The following RFESD variants were observed in gnomAD, a reference collection of about 807,000 sequenced individuals.
RFESD encodes the protein Rieske domain-containing protein.
Under a neutral mutation model 24.4 loss-of-function variants are expected in RFESD, and 16 were observed. The observed-to-expected ratio is 0.66, with a 90% CI of 0.44 to 1.00. RFESD has a LOEUF of 1.00. Ranked by LOEUF, RFESD falls within the 50% of genes least tolerant of loss-of-function variation. The pLI is 0.00. For synonymous variants in RFESD, 59 were observed against 81.8 expected (o/e 0.72, Z 1.50); for missense variants, 208 against 247.0 (o/e 0.84, Z 1.06).
intron 1 of RFESD, among the ~76,000 whole-genome samples, chr5:95,650,030 T>G (rs1035342369): frequency 1.3e-5 from 2 of 152,348 alleles, no homozygotes; most frequent in East Asian, 1.9e-4. Flanking sequence ...ATTTGTGTTC[T>G]TTGAGTACCT....
Position 95,656,429 on chromosome 5 carries a change from A to G in RFESD, c.*120A>G, listed in dbSNP as rs1750766838. 1 of 733,798 alleles carries G rather than the reference A, an allele frequency of 1.4e-6. No homozygotes were observed. The allele number at this position is 733,798 out of a possible 1,614,324, so 45.5% of individuals were successfully genotyped here. On this transcript the variant is annotated 3_prime_UTR_variant, in exon 6 of 6. Coordinates refer to ENST00000380005, the MANE Select transcript of RFESD (RefSeq NM_001131066.2). ...ATAGGCACAACTGTTTAAAATTCAC[A>G]TACATTTGAGAGGTTTAAGAGCACA...
At position 95,656,604 on chromosome 5, in the gene RFESD, TA is replaced by T. The variant is rs1367471718; in HGVS notation, c.*300del. ...AAATTTGGAGTAAACAAATAATAGG[TA>T]AAAATTAAGGATTAGTAAGAAAAAA... On this transcript the variant is annotated 3_prime_UTR_variant, in exon 6 of 6. Transcript: ENST00000380005. 4 of 194,800 alleles carry T rather than the reference TA, an allele frequency of 2.1e-5. No homozygotes were observed. Among genetic ancestry groups the T allele is most frequent in the Non-Finnish European group, 4.1e-5 (4 of 97,170 alleles). The allele number at this position is 194,800 out of a possible 1,614,324, so 12.1% of individuals were successfully genotyped here.
chr5:95,655,692 C>T (rs952699784), intron 5 of RFESD, among the ~76,000 whole-genome samples: 1 of 152,182 alleles, frequency 6.6e-6, no homozygotes, highest in Non-Finnish European at 1.5e-5. Flanking sequence ...CCTTACAGTT[C>T]TTCTAGAAGC....
intron 5 of RFESD, chr5:95,655,824 A>T: frequency 2.1e-6 from 1 of 482,918 alleles, no homozygotes; most frequent in South Asian, 3.7e-5. Context: ...TGAGCATGTC[A>T]GTCTTCTGAT....
chr5:95,654,141 A>G lies in RFESD; in HGVS notation c.239A>G (p.Lys80Arg). ...TGTGTGGGCAGAGAAGATGACATTA[A>G]AAAATCTGAAAGAATGACAGCTGTT... ...SVCVGREDDIKKSERMTAVVH... is the reference protein window; with the variant it reads ...SVCVGREDDIRKSERMTAVVH... Residue 80 changes from lysine to arginine, a missense_variant, in exon 4 of 6, where the codon AAA (lysine) becomes AGA (arginine). Coordinates refer to ENST00000380005, the MANE Select transcript of RFESD (RefSeq NM_001131066.2). The G allele has an allele frequency of 6.2e-7, 1 of 1,612,362 alleles. No homozygotes were observed. Among genetic ancestry groups the G allele is most frequent in the Non-Finnish European group, 8.5e-7 (1 of 1,179,684 alleles).
intron 2 of RFESD, 100 bp from the exon 3 acceptor site, chr5:95,653,017 C>T: frequency 1.3e-6 from 2 of 1,494,610 alleles, no homozygotes. Flanking sequence ...AACCTGGCTC[C>T]TGCCTGTTTA....
rs777092688 is a variant in RFESD, at chr5:95,657,892, A to G, written c.*1583A>G. Reference sequence around the variant, plus strand: ...CCCAGTCAGGTCTTAACACATGTCCAGAATATAAAGTGTACAGAAGAAATC... The same window carrying G: ...CCCAGTCAGGTCTTAACACATGTCCGGAATATAAAGTGTACAGAAGAAATC... On this transcript the variant is annotated 3_prime_UTR_variant, in exon 6 of 6. Transcript: ENST00000380005. 7 of 152,072 alleles carry G rather than the reference A, an allele frequency of 4.6e-5. No individual in the cohort carries two copies. The highest frequency in any genetic ancestry group is 1.3e-4 in the Admixed American group (2 of 15,252). 9.4% of individuals were successfully genotyped at this position (152,072 alleles called of 1,614,324 possible).
intron 1 of RFESD, among the ~76,000 whole-genome samples, chr5:95,651,097 CA>C (rs1006612798): frequency 3.4e-3 from 164 of 48,360 alleles, no homozygotes; most frequent in Admixed American, 6.1e-3. Context: ...GACTCCGTCT[CA>C]AAAAAAAAAA....
In RFESD at chr5:95,656,110, GAGA is replaced by G. The variant is rs1243799434; in HGVS notation, c.437_439del (p.Glu146del). 1 of 1,613,710 alleles carries G rather than the reference GAGA, an allele frequency of 6.2e-7. No individual in the cohort carries two copies. The highest frequency in any genetic ancestry group is 1.7e-5 in the Admixed American group (1 of 59,994). ...AAATACAAAATTACTTTGGCAACAGGAGAAGGTCTGTACCAGTCTATAAACCCT... is the reference window on the plus strand; with the variant it reads ...AAATACAAAATTACTTTGGCAACAGGAGGTCTGTACCAGTCTATAAACCCT... On this transcript the variant is annotated inframe_deletion, in exon 6 of 6. Coordinates refer to ENST00000380005, the MANE Select transcript of RFESD (RefSeq NM_001131066.2).
rs372462734 is a variant in RFESD at position 95,656,092 on chromosome 5, A to C, written c.416A>C (p.Lys139Thr). Residue 139 changes from lysine (K) to threonine (T), a missense_variant, in exon 6 of 6, where the codon AAA becomes ACA. Lys to Thr is a moderately conservative substitution (Grantham distance 78). Coordinates refer to ENST00000380005, the MANE Select transcript of RFESD (RefSeq NM_001131066.2). ...PCIVCPWHKY[K>T]ITLATGEGLY... ...ATAGTTTGCCCCTGGCATAAATACAAAATTACTTTGGCAACAGGAGAAGGT... is the reference window on the plus strand; with the variant it reads ...ATAGTTTGCCCCTGGCATAAATACACAATTACTTTGGCAACAGGAGAAGGT... The C allele has an allele frequency of 3.3e-5, 54 of 1,613,602 alleles. No individual in the cohort carries two copies. The highest frequency in any genetic ancestry group is 4.3e-5 in the Non-Finnish European group (51 of 1,179,662).
chr5:95,651,663 C>G (rs1750348695), intron 1 of RFESD, among the ~76,000 whole-genome samples: 1 of 152,184 alleles, frequency 6.6e-6, no homozygotes, highest in Admixed American at 6.5e-5. Context: ...TCCCAAAGTG[C>G]TGGGATTACA....
chr5:95,652,211 A>G lies in RFESD; in HGVS notation c.-61A>G. On this transcript the variant is annotated 5_prime_UTR_variant, in exon 2 of 6. Coordinates refer to ENST00000380005, the MANE Select transcript of RFESD (RefSeq NM_001131066.2). ...TGTGAATGAATTTCATTTGATTAGCAATAGATTGGACACTCTACTGATCTT... is the reference window on the plus strand; with the variant it reads ...TGTGAATGAATTTCATTTGATTAGCGATAGATTGGACACTCTACTGATCTT... The G allele has an allele frequency of 1.3e-6, 2 of 1,509,048 alleles. No homozygotes were observed. Among genetic ancestry groups the G allele is most frequent in the Non-Finnish European group, 1.8e-6 (2 of 1,119,676 alleles). The allele number at this position is 1,509,048 out of a possible 1,614,324, so 93.5% of individuals were successfully genotyped here.
chr5:95,647,839 C>G (rs1418721637), intron 1 of RFESD: 1 of 152,058 alleles, frequency 6.6e-6, no homozygotes, highest in African/African-American at 2.4e-5. Context: ...TTTGTGAAGA[C>G]TAATGAACTA....
intron 2 of RFESD, 118 bp from the exon 3 acceptor site, chr5:95,652,999 C>T (rs556571775): frequency 7.3e-7 from 1 of 1,369,978 alleles, no homozygotes; most frequent in South Asian, 1.5e-5. Context: ...CCATACACAG[C>T]ACTGCACAAC....
chr5:95,655,991 T>C (rs1041341704), intron 5 of RFESD, 55 bp from the exon 6 acceptor site: 22 of 1,536,738 alleles, frequency 1.4e-5, no homozygotes, highest in Non-Finnish European at 1.9e-5. Context: ...CTCTTCAGAG[T>C]CTATCAAGAA....
At chr5:95,652,503 C>A in intron 2 of RFESD, 172 bp downstream of exon 2, 2 of 808,778 alleles carry the variant, frequency 2.5e-6, no homozygotes, top group Non-Finnish European at 3.5e-6. Flanking sequence ...TTCCATTCTG[C>A]AAAAATACCA....
Position 95,656,251 on chromosome 5 carries a change from AGT to A in RFESD, c.579_580del (p.Cys193Ter), listed in dbSNP as rs1346495241. 1 of 1,613,502 alleles carries A rather than the reference AGT, an allele frequency of 6.2e-7. No homozygotes were observed. Among genetic ancestry groups the A allele is most frequent in the East Asian group, 2.2e-5 (1 of 44,868 alleles). On this transcript the variant is annotated frameshift_variant, in exon 6 of 6. Transcript: ENST00000380005. LOFTEE classifies it high-confidence loss of function. ...GTGACTCTTTCTAATGAACCTTTTA[AGT>A]GTGACTCTGATTTTTATGCCACTGG... is the stretch of plus-strand genomic sequence containing the variant.
At position 95,652,402 on chromosome 5, in the gene RFESD, CAT is replaced by C. The variant is rs1750396122; in HGVS notation, c.60+76_60+77del. On this transcript the variant is annotated intron_variant, in intron 2 of 5. Transcript: ENST00000380005. ...CTCTAGAAATTCTCGACTTTAGTCT[CAT>C]ATATCTGGTTGTTGACTTGACATCT... 1.1e-5 allele frequency: 17 copies of C among 1,517,546 alleles called. No homozygotes were observed. In the South Asian group the frequency reaches 2.1e-4, roughly 19 times the overall value. 94.0% of individuals were successfully genotyped at this position (1,517,546 alleles called of 1,614,324 possible).
chr5:95,656,006 T>G, intron 5 of RFESD, 40 bp from the exon 6 acceptor site: 2 of 1,590,094 alleles, frequency 1.3e-6, no homozygotes, highest in Non-Finnish European at 1.7e-6. Context: ...CAAGAACATT[T>G]GACATGTCAG....
Sources: allele counts gnomAD v4.1 joint callset (sites outside exome capture counted in the v4.1 genomes callset), GRCh38; gene constraint gnomAD v4.1.1; transcripts MANE v1.5; gene names NCBI Gene and HGNC (gene_info 2026-07-23, HGNC 2026-07-21).